The following NKAIN2 variants were observed in gnomAD, a reference collection of about 807,000 sequenced individuals.
NKAIN2 encodes sodium/potassium transporting ATPase interacting 2.
In NKAIN2, 14 loss-of-function variants were observed where a neutral mutation model predicts 32.6. The ratio of observed to expected loss-of-function variants is 0.43; its 90% CI spans 0.28 to 0.67. NKAIN2 has a LOEUF of 0.67. Among genes scored for constraint, NKAIN2 ranks in the 30% least tolerant of loss-of-function variants. The probability of loss-of-function intolerance (pLI) is 0.17; values close to 1 mark genes in which losing one functional copy is unlikely to be tolerated. For missense variants in NKAIN2, 198 were observed against 258.3 expected (o/e 0.77, Z 1.60); for synonymous variants, 80 against 87.2 (o/e 0.92, Z 0.46).
Position 123,995,241 on chromosome 6 carries a change from A to G in NKAIN2, c.54+190987A>G, listed in dbSNP as rs556343545. Among the ~76,000 whole-genome samples the G allele has an allele frequency of 7.1e-4, 108 of 152,316 alleles. 1 individual carries two copies. The highest frequency in any genetic ancestry group is 1.3e-3 in the Non-Finnish European group (90 of 68,032). On this transcript the variant is annotated intron_variant, in intron 1 of 6. Transcript: ENST00000368417. ...GATATAGGCATTATAGACATCAAGG[A>G]TGAGGACGAGCCTTGTTGGTGACAA...
chr6:124,725,677 T>G (rs1776250312), intron 4 of NKAIN2, among the ~76,000 whole-genome samples: 1 of 152,062 alleles, frequency 6.6e-6, no homozygotes, highest in South Asian at 2.1e-4. Flanking sequence ...ATATTCCACA[T>G]AAAAATGAAT....
intron 4 of NKAIN2, among the ~76,000 whole-genome samples, chr6:124,725,850 G>A (rs1215066560): frequency 1.3e-5 from 2 of 152,162 alleles, no homozygotes; most frequent in Non-Finnish European, 2.9e-5. Context: ...GTGGGTGCAT[G>A]CACCGTGTGC....
Position 124,214,397 on chromosome 6 carries a change from AT to A in NKAIN2, c.55-68605del, listed in dbSNP as rs1343203840. Among the ~76,000 whole-genome samples, 46 of 152,272 alleles carry A rather than the reference AT, an allele frequency of 3.0e-4. 1 individual carries two copies. In the East Asian group the frequency reaches 8.3e-3, roughly 27 times the overall value. On this transcript the variant is annotated intron_variant, in intron 1 of 6. Coordinates refer to ENST00000368417, the MANE Select transcript of NKAIN2 (RefSeq NM_001040214.3). The stretch of plus-strand genomic sequence containing the variant: ...TTTGGAAGGAATTATGTATACTTTG[AT>A]TTGTAATAATAGCTGTGTTTAACAA...
intron 5 of NKAIN2, among the ~76,000 whole-genome samples, chr6:124,810,433 T>C (rs1176814992): frequency 1.3e-5 from 2 of 151,436 alleles, no homozygotes; most frequent in Admixed American, 6.6e-5. Flanking sequence ...AATTGAACAA[T>C]GAGAACACAT....
rs528732234 is a variant in NKAIN2, at chr6:123,994,229, T to C, written c.54+189975T>C. Among the ~76,000 whole-genome samples the C allele has an allele frequency of 5.3e-5, 8 of 150,684 alleles. No homozygotes were observed. In the South Asian group the frequency reaches 1.5e-3, roughly 28 times the overall value. On this transcript the variant is annotated intron_variant, in intron 1 of 6. Transcript: ENST00000368417. ...TTTTTTTTTTTTTTAGATTCTGAGA[T>C]AGCATCCACCAACCTGCTACGCTTA...
chr6:124,447,736 T>C lies in NKAIN2; in HGVS notation c.273+92389T>C, dbSNP rs189832793. On this transcript the variant is annotated intron_variant, in intron 3 of 6. Coordinates refer to ENST00000368417, the MANE Select transcript of NKAIN2 (RefSeq NM_001040214.3). Reference sequence around the variant, plus strand: ...CTTCTGCATAATTGCATCCCATCTCTGCAGGGCATAGTAACCGTGGAAGCT... The same window carrying C: ...CTTCTGCATAATTGCATCCCATCTCCGCAGGGCATAGTAACCGTGGAAGCT... Among the ~76,000 whole-genome samples, 491 of 152,302 alleles carry C rather than the reference T, an allele frequency of 3.2e-3. 4 individuals carry two copies. Among genetic ancestry groups the C allele is most frequent in the African/African-American group, 0.011 (471 of 41,584 alleles).
intron 4 of NKAIN2, among the ~76,000 whole-genome samples, chr6:124,719,071 A>G (rs1470762069): frequency 1.3e-5 from 2 of 152,180 alleles, no homozygotes; most frequent in African/African-American, 4.8e-5. Context: ...CTGCTAATTT[A>G]TTGATATAAA....
chr6:124,090,548 C>T lies in NKAIN2; in HGVS notation c.55-192457C>T, dbSNP rs1039428898. ...AGTCAGATGAGATGATAATAGGTGTCGTGTTTAACAGCAAGGCTTGCAAGT... is the reference window on the plus strand; with the variant it reads ...AGTCAGATGAGATGATAATAGGTGTTGTGTTTAACAGCAAGGCTTGCAAGT... On this transcript the variant is annotated intron_variant, in intron 1 of 6. Coordinates refer to ENST00000368417, the MANE Select transcript of NKAIN2 (RefSeq NM_001040214.3). Among the ~76,000 whole-genome samples, 15 of 151,916 alleles carry T rather than the reference C, an allele frequency of 9.9e-5. 1 individual carries two copies. Among genetic ancestry groups the T allele is most frequent in the African/African-American group, 3.6e-4 (15 of 41,394 alleles).
chr6:124,578,248 T>A (rs1000806108), intron 3 of NKAIN2, among the ~76,000 whole-genome samples: 1 of 151,808 alleles, frequency 6.6e-6, no homozygotes, highest in African/African-American at 2.4e-5. Context: ...TTAGGTAGAG[T>A]ACCAAGCAGG....
chr6:123,923,904 C>T (rs1021263487), intron 1 of NKAIN2, among the ~76,000 whole-genome samples: 11 of 149,602 alleles, frequency 7.4e-5, no homozygotes, highest in African/African-American at 2.7e-4. Flanking sequence ...AACTAACCTG[C>T]ACAATGTGCA....
chr6:124,030,286 C>T (rs571689238), intron 1 of NKAIN2, among the ~76,000 whole-genome samples: 19 of 152,184 alleles, frequency 1.2e-4, no homozygotes, highest in Admixed American at 3.3e-4. Context: ...CAAAACCATC[C>T]TCACACCCCC....
chr6:124,070,236 GT>G (rs1053776359), intron 1 of NKAIN2, among the ~76,000 whole-genome samples: 2 of 152,160 alleles, frequency 1.3e-5, no homozygotes, highest in Non-Finnish European at 2.9e-5. Context: ...TAATGAATCT[GT>G]TTTTGTCCAG....
chr6:124,037,308 C>A (rs2114800696), intron 1 of NKAIN2, among the ~76,000 whole-genome samples: 1 of 152,188 alleles, frequency 6.6e-6, no homozygotes, highest in Non-Finnish European at 1.5e-5. Context: ...GAAGCTGTAT[C>A]TTTGGTTCTT....
At chr6:124,239,204 A>G (rs1051819608) in intron 1 of NKAIN2, among the ~76,000 whole-genome samples, 12 of 152,294 alleles carry the variant, frequency 7.9e-5, no homozygotes, top group African/African-American at 1.7e-4. Flanking sequence ...AGAGCGAACT[A>G]TCATAAATAT....
chr6:123,914,917 T>TAATC (rs1775412586), intron 1 of NKAIN2, among the ~76,000 whole-genome samples: 1 of 152,174 alleles, frequency 6.6e-6, no homozygotes, highest in African/African-American at 2.4e-5. Flanking sequence ...TGGTTAGTTT[T>TAATC]AAATCAGCCT....
chr6:124,348,804 C>A (rs940652352), intron 2 of NKAIN2, among the ~76,000 whole-genome samples: 1 of 152,162 alleles, frequency 6.6e-6, no homozygotes, highest in African/African-American at 2.4e-5. Context: ...CATTGCCTCA[C>A]TGGGGAAGCT....
intron 4 of NKAIN2, among the ~76,000 whole-genome samples, chr6:124,760,418 TA>T (rs201825300): frequency 0.13 from 15,648 of 117,234 alleles, 1,102 homozygotes; most frequent in East Asian, 0.25. Flanking sequence ...ACATAAAAGT[TA>T]AAAAAAAAAA....
intron 3 of NKAIN2, among the ~76,000 whole-genome samples, chr6:124,407,050 C>A (rs616482): frequency 0.38 from 58,040 of 151,870 alleles, 13,618 homozygotes; most frequent in African/African-American, 0.67. Flanking sequence ...CAATGTTTTG[C>A]TGATGAAGTC....
chr6:124,005,848 A>G (rs570316934), intron 1 of NKAIN2, among the ~76,000 whole-genome samples: 2 of 152,296 alleles, frequency 1.3e-5, no homozygotes, highest in East Asian at 1.9e-4. Flanking sequence ...TGGTCAATCT[A>G]TCACTAACCT....
Sources: gnomAD v4.1 joint callset for allele counts (sites outside exome capture counted in the v4.1 genomes callset) on GRCh38, gnomAD v4.1.1 for gene constraint, MANE v1.5 for transcripts, NCBI Gene and HGNC (gene_info 2026-07-23, HGNC 2026-07-21) for gene names.